FLRT2: variants seen among roughly 807,000 people sequenced by gnomAD.
FLRT2 encodes the protein leucine-rich repeat transmembrane protein FLRT2.
In FLRT2, 15 loss-of-function variants were observed where a neutral mutation model predicts 40.0. That is an observed-to-expected ratio of 0.38 (90% CI 0.25 to 0.58). FLRT2 has a LOEUF of 0.58. FLRT2 is among the 20% of genes least tolerant of loss of function. The probability of loss-of-function intolerance (pLI) is 0.71; values close to 1 mark genes in which losing one functional copy is unlikely to be tolerated. For missense variants in FLRT2, 726 were observed against 840.0 expected, an observed-to-expected ratio of 0.86 and a Z score of 1.68; for synonymous variants, 380 against 336.8, an observed-to-expected ratio of 1.13 and a Z score of -1.41.
intron 1 of FLRT2, among the ~76,000 whole-genome samples, chr14:85,588,448 A>G (rs1891731214): frequency 8.1e-6 from 1 of 123,498 alleles, no homozygotes; most frequent in African/African-American, 3.4e-5. Flanking sequence ...AGTTCCTATC[A>G]CTAGCTCAGT....
In FLRT2 at chr14:85,583,776, G is replaced by A. The variant is rs143360752; in HGVS notation, c.-376-37363G>A. On this transcript the variant is annotated intron_variant, in intron 1 of 1. Coordinates refer to ENST00000330753, the MANE Select transcript of FLRT2 (RefSeq NM_013231.6). ...TCCTGAAAATCAGGCAGAAGGAAGAGAAAATGGGCTCTTCTTAAACTAATC... is the reference window on the plus strand; with the variant it reads ...TCCTGAAAATCAGGCAGAAGGAAGAAAAAATGGGCTCTTCTTAAACTAATC... 7.0e-3 allele frequency among the ~76,000 whole-genome samples: 1,062 copies of A among 152,240 alleles called. 4 individuals are homozygous for A. The highest frequency in any genetic ancestry group is 0.014 in the South Asian group (70 of 4,830).
rs796261415 is a variant in FLRT2 at position 85,646,789 on chromosome 14, G to GT, written c.*23300dup. The GT allele has an allele frequency of 7.2e-4, 109 of 151,562 alleles. 1 individual carries two copies. Among genetic ancestry groups the GT allele is most frequent in the East Asian group, 6.2e-3 (32 of 5,140 alleles). The allele number at this position is 151,562 out of a possible 1,614,324, so 9.4% of individuals were successfully genotyped here. On this transcript the variant is annotated 3_prime_UTR_variant, in exon 2 of 2. Transcript: ENST00000330753. ...CCACCACTACACCCAGCTAATTTTT[G>GT]TTTTTTTTGGTAGAGATGGGGTTTC... is the stretch of plus-strand genomic sequence containing the variant.
intron 1 of FLRT2, among the ~76,000 whole-genome samples, chr14:85,555,877 A>C (rs1400893674): frequency 6.6e-6 from 1 of 152,014 alleles, no homozygotes; most frequent in African/African-American, 2.4e-5. Context: ...TCTTAAAATG[A>C]ATCTGGTGAG....
intron 1 of FLRT2, among the ~76,000 whole-genome samples, chr14:85,587,070 T>C (rs1243207294): frequency 6.6e-6 from 1 of 152,164 alleles, no homozygotes; most frequent in Non-Finnish European, 1.5e-5. Flanking sequence ...ACTTGATATT[T>C]AGCCCTTGGC....
At chr14:85,568,674 G>C (rs1423787146) in intron 1 of FLRT2, among the ~76,000 whole-genome samples, 1 of 151,998 alleles carries the variant, frequency 6.6e-6, no homozygotes, top group Admixed American at 6.6e-5. Context: ...GCCTGATCCT[G>C]CACTCTTCGC....
chr14:85,610,876 A>T (rs1014609406), intron 1 of FLRT2, among the ~76,000 whole-genome samples: 4 of 152,014 alleles, frequency 2.6e-5, no homozygotes, highest in Non-Finnish European at 5.9e-5. Flanking sequence ...ATCTTTTCTA[A>T]TCTCAAGTTT....
chr14:85,568,748 T>G (rs1890750811), intron 1 of FLRT2, among the ~76,000 whole-genome samples: 1 of 152,218 alleles, frequency 6.6e-6, no homozygotes, highest in Non-Finnish European at 1.5e-5. Flanking sequence ...TCCCTATTTC[T>G]GGGATCTTTA....
rs1688525398 is a variant in FLRT2 at position 85,628,936 on chromosome 14, G to C, written c.*5439G>C. 1 of 152,120 alleles carries C rather than the reference G, an allele frequency of 6.6e-6. No individual in the cohort carries two copies. Among genetic ancestry groups the C allele is most frequent in the Non-Finnish European group, 1.5e-5 (1 of 68,026 alleles). 9.4% of individuals were successfully genotyped at this position (152,120 alleles called of 1,614,324 possible). Reference sequence around the variant, plus strand: ...TCCAAACACTAGGCTGAGTTCAGAGGCCTCACAGAATAGTGAAATGCGTTC... The same window carrying C: ...TCCAAACACTAGGCTGAGTTCAGAGCCCTCACAGAATAGTGAAATGCGTTC... On this transcript the variant is annotated 3_prime_UTR_variant, in exon 2 of 2. Coordinates refer to ENST00000330753, the MANE Select transcript of FLRT2 (RefSeq NM_013231.6).
Position 85,535,354 on chromosome 14 carries a change from CAAA to C in FLRT2, c.-377+4830_-377+4832del, listed in dbSNP as rs3084489. Among the ~76,000 whole-genome samples, 1,436 of 147,206 alleles carry C rather than the reference CAAA, an allele frequency of 9.8e-3. 8 individuals are homozygous for C. Among genetic ancestry groups the C allele is most frequent in the South Asian group, 0.016 (74 of 4,650 alleles). On this transcript the variant is annotated intron_variant, in intron 1 of 1. Coordinates refer to ENST00000330753, the MANE Select transcript of FLRT2 (RefSeq NM_013231.6). ...AAATATCCAATGAAAAGCCCCCCCC[CAAA>C]AAAAAAAAACAACAACATTTTGAGG...
intron 1 of FLRT2, among the ~76,000 whole-genome samples, chr14:85,599,663 A>G (rs751681118): frequency 6.6e-6 from 1 of 152,196 alleles, no homozygotes; most frequent in Non-Finnish European, 1.5e-5. Flanking sequence ...ATCTTTAATC[A>G]GTTCAATTAC....
chr14:85,597,053 A>G (rs1470959662), intron 1 of FLRT2, among the ~76,000 whole-genome samples: 1 of 152,236 alleles, frequency 6.6e-6, no homozygotes, highest in Non-Finnish European at 1.5e-5. Context: ...AGCATTTGCT[A>G]TCCAAGTTTG....
intron 1 of FLRT2, among the ~76,000 whole-genome samples, chr14:85,549,725 A>AT (rs1889495647): frequency 8.5e-6 from 1 of 117,446 alleles, no homozygotes; most frequent in Admixed American, 8.7e-5. Flanking sequence ...TATCTGCCAC[A>AT]CTTCAAGTAC....
At chr14:85,547,966 A>T (rs1302725835) in intron 1 of FLRT2, among the ~76,000 whole-genome samples, 1 of 152,234 alleles carries the variant, frequency 6.6e-6, no homozygotes, top group Non-Finnish European at 1.5e-5. Context: ...TCTCCAAATG[A>T]AGCAATCAGA....
intron 1 of FLRT2, among the ~76,000 whole-genome samples, chr14:85,568,374 A>G (rs918317728): frequency 4.6e-5 from 7 of 152,260 alleles, no homozygotes; most frequent in Non-Finnish European, 7.4e-5. Context: ...GAGAGTGAAC[A>G]TGGAAATCAT....
rs1409724361 is a variant in FLRT2, at chr14:85,650,875, C to T, written c.*27378C>T. ...CTTTTCTTTTTTTAAGAGACAAGGT[C>T]TTACCCTGTCATCCAGGCTAGGATG... On this transcript the variant is annotated 3_prime_UTR_variant, in exon 2 of 2. Coordinates refer to ENST00000330753, the MANE Select transcript of FLRT2 (RefSeq NM_013231.6). 1 of 151,730 alleles carries T rather than the reference C, an allele frequency of 6.6e-6. No homozygotes were observed. Among genetic ancestry groups the T allele is most frequent in the Non-Finnish European group, 1.5e-5 (1 of 67,942 alleles). 9.4% of individuals were successfully genotyped at this position (151,730 alleles called of 1,614,324 possible). A position where few individuals can be genotyped will look rare whatever the true frequency, so the allele number is the denominator to read the frequency against.
intron 1 of FLRT2, among the ~76,000 whole-genome samples, chr14:85,587,864 G>A (rs559592123): frequency 4.6e-5 from 7 of 152,108 alleles, no homozygotes; most frequent in Admixed American, 4.6e-4. Context: ...TTAGTAAGAT[G>A]TCTGGAACTG....
At chr14:85,561,449 A>G (rs1890310665) in intron 1 of FLRT2, among the ~76,000 whole-genome samples, 1 of 152,166 alleles carries the variant, frequency 6.6e-6, no homozygotes, top group Admixed American at 6.5e-5. Context: ...AGTCAACTTA[A>G]TTTTATTCTG....
At chr14:85,595,803 T>C (rs1007006436) in intron 1 of FLRT2, among the ~76,000 whole-genome samples, 41 of 152,230 alleles carry the variant, frequency 2.7e-4, no homozygotes, top group Admixed American at 2.7e-3. Context: ...CAATATCAAG[T>C]AACAGACCCA....
intron 1 of FLRT2, among the ~76,000 whole-genome samples, chr14:85,547,521 A>G (rs1595000285): frequency 6.6e-6 from 1 of 151,898 alleles, no homozygotes; most frequent in African/African-American, 2.4e-5. Flanking sequence ...ATGGGGTTTC[A>G]CCACGTTGGC....
Sources: gnomAD v4.1 joint callset for allele counts (sites outside exome capture counted in the v4.1 genomes callset) on GRCh38, gnomAD v4.1.1 for gene constraint, MANE v1.5 for transcripts, NCBI Gene and HGNC (gene_info 2026-07-23, HGNC 2026-07-21) for gene names.